Variants in AGBL4 observed in about 807,000 individuals in gnomAD.
AGBL4 encodes the protein cytosolic carboxypeptidase 6.
In AGBL4, 58 loss-of-function variants were observed where a neutral mutation model predicts 66.4. The ratio of observed to expected loss-of-function variants is 0.87; its 90% CI spans 0.71 to 1.09. The LOEUF (loss-of-function observed/expected upper bound fraction) is 1.09. Ranked by LOEUF, AGBL4 falls within the 50% of genes least tolerant of loss-of-function variation. The pLI, the probability that AGBL4 is intolerant of heterozygous loss-of-function variation, is 0.00. For synonymous variants in AGBL4, 234 were observed against 222.9 expected (o/e 1.05, Z -0.44); for missense variants, 579 against 631.0 (o/e 0.92, Z 0.88).
At chr1:49,114,143 C>G (rs1645469166) in intron 4 of AGBL4, among the ~76,000 whole-genome samples, 1 of 152,170 alleles carries the variant, frequency 6.6e-6, no homozygotes, top group African/African-American at 2.4e-5. Context: ...TAAGATGTGT[C>G]TACATTGAAA....
chr1:48,731,808 G>C (rs891200869), intron 6 of AGBL4, among the ~76,000 whole-genome samples: 1 of 152,182 alleles, frequency 6.6e-6, no homozygotes, highest in African/African-American at 2.4e-5. Context: ...AGATTACACA[G>C]GTGCTTCTAT....
chr1:49,500,501 T>C (rs1347527211), intron 3 of AGBL4, among the ~76,000 whole-genome samples: 1 of 151,994 alleles, frequency 6.6e-6, no homozygotes, highest in East Asian at 1.9e-4. Context: ...CTAGAATTTT[T>C]ATAGTTTCAC....
chr1:49,868,322 C>T (rs1035223035), intron 1 of AGBL4, among the ~76,000 whole-genome samples: 1 of 152,132 alleles, frequency 6.6e-6, no homozygotes, highest in Non-Finnish European at 1.5e-5. Context: ...ATAGCCAAGA[C>T]AATCCTAAGC....
chr1:48,729,772 CCGAGA>C (rs140231070), intron 6 of AGBL4, among the ~76,000 whole-genome samples: 2,257 of 152,186 alleles, frequency 0.015, 54 homozygotes, highest in African/African-American at 0.052. Flanking sequence ...TTTCTTTCCA[CCGAGA>C]AGGGTTTTGC....
At chr1:49,597,013 T>A (rs1644865196) in intron 3 of AGBL4, among the ~76,000 whole-genome samples, 1 of 152,230 alleles carries the variant, frequency 6.6e-6, no homozygotes, top group Non-Finnish European at 1.5e-5. Context: ...GTGCATGCAA[T>A]CCTGCTTTTC....
intron 3 of AGBL4, among the ~76,000 whole-genome samples, chr1:49,271,556 A>G (rs2148387237): frequency 6.7e-6 from 1 of 149,730 alleles, no homozygotes. Flanking sequence ...ACACACACGT[A>G]CATATACATA....
In AGBL4 at chr1:49,149,871, T is replaced by C. The variant is rs887756167; in HGVS notation, c.377+95899A>G. 3.3e-5 allele frequency among the ~76,000 whole-genome samples: 5 copies of C among 152,164 alleles called. No individual in the cohort carries two copies. The South Asian group carries it at 1.0e-3, about 32-fold the overall frequency. On this transcript the variant is annotated intron_variant, in intron 4 of 13. Transcript: ENST00000371839. ...TCTGCATGTGGGAGATATAAAATTG[T>C]CTTCAGAAACTATGCATTTGACAAC... is the stretch of plus-strand genomic sequence containing the variant.
chr1:49,247,300 T>C (rs1388637944), intron 3 of AGBL4, among the ~76,000 whole-genome samples: 1 of 152,138 alleles, frequency 6.6e-6, no homozygotes, highest in Non-Finnish European at 1.5e-5. Flanking sequence ...AGGACTATAA[T>C]AAAATGCTTT....
chr1:48,569,830 A>G (rs1410900595), intron 11 of AGBL4, among the ~76,000 whole-genome samples: 2 of 152,122 alleles, frequency 1.3e-5, no homozygotes, highest in South Asian at 2.1e-4. Flanking sequence ...TGGGACCATA[A>G]TGCCACTCTT....
intron 3 of AGBL4, among the ~76,000 whole-genome samples, chr1:49,253,354 A>T (rs1652221401): frequency 6.6e-6 from 1 of 152,212 alleles, no homozygotes; most frequent in East Asian, 1.9e-4. Flanking sequence ...AGAAGATCTA[A>T]CTATCCTAAA....
intron 3 of AGBL4, among the ~76,000 whole-genome samples, chr1:49,696,218 T>C (rs1041923494): frequency 6.6e-6 from 1 of 152,176 alleles, no homozygotes; most frequent in Admixed American, 6.6e-5. Flanking sequence ...CCATGATCAG[T>C]TGTCTCAATA....
chr1:49,098,538 TA>T (rs1478532196), intron 4 of AGBL4, among the ~76,000 whole-genome samples: 1 of 152,180 alleles, frequency 6.6e-6, no homozygotes, highest in African/African-American at 2.4e-5. Context: ...GCCATAGCAA[TA>T]GGTCAGGAAG....
At chr1:49,722,650 T>C (rs567119792) in intron 2 of AGBL4, among the ~76,000 whole-genome samples, 12 of 152,276 alleles carry the variant, frequency 7.9e-5, no homozygotes, top group African/African-American at 2.6e-4. Flanking sequence ...TGTTTTTAAG[T>C]GGATGTACTA....
At chr1:49,302,600 ATTTTATTTTT>A (rs1644768352) in intron 3 of AGBL4, among the ~76,000 whole-genome samples, 1 of 126,206 alleles carries the variant, frequency 7.9e-6, no homozygotes, top group Non-Finnish European at 1.8e-5. Context: ...TTTATATTTT[ATTTTATTTTT>A]TTATTTTATT....
At chr1:49,907,789 A>C (rs1650422374) in intron 1 of AGBL4, among the ~76,000 whole-genome samples, 1 of 152,134 alleles carries the variant, frequency 6.6e-6, no homozygotes. Flanking sequence ...GTACAAAATC[A>C]AGAGTTAATC....
intron 6 of AGBL4, among the ~76,000 whole-genome samples, chr1:48,670,534 A>G (rs1284634204): frequency 1.3e-5 from 2 of 152,240 alleles, no homozygotes; most frequent in African/African-American, 4.8e-5. Context: ...GCCAACTAAG[A>G]TGTTGTCACC....
chr1:49,103,578 G>C (rs543442933), intron 4 of AGBL4, among the ~76,000 whole-genome samples: 6 of 152,154 alleles, frequency 3.9e-5, no homozygotes, highest in Admixed American at 3.9e-4. Context: ...GAAGAGTCAA[G>C]CTTCTGACTT....
At chr1:48,695,718 A>G (rs1325400347) in intron 6 of AGBL4, among the ~76,000 whole-genome samples, 1 of 152,190 alleles carries the variant, frequency 6.6e-6, no homozygotes, top group Admixed American at 6.5e-5. Context: ...GACTCAGAGG[A>G]GGACAGCTAA....
At chr1:49,871,930 C>T (rs904525582) in intron 1 of AGBL4, among the ~76,000 whole-genome samples, 2 of 152,020 alleles carry the variant, frequency 1.3e-5, no homozygotes, top group African/African-American at 2.4e-5. Flanking sequence ...CTGAGGAACA[C>T]TCTTAAATAC....
Sources: allele counts gnomAD v4.1 joint callset (sites outside exome capture counted in the v4.1 genomes callset), GRCh38; gene constraint gnomAD v4.1.1; transcripts MANE v1.5; gene names NCBI Gene and HGNC (gene_info 2026-07-23, HGNC 2026-07-21).